PTPN4: variants seen among roughly 807,000 people sequenced by gnomAD.
The protein encoded by PTPN4 is protein tyrosine phosphatase non-receptor type 4.
A neutral mutation model predicts 135.5 loss-of-function variants in PTPN4; 49 were observed. That is an observed-to-expected ratio of 0.36 (90% CI 0.29 to 0.46). The LOEUF (loss-of-function observed/expected upper bound fraction) is 0.46. PTPN4 is among the 20% of genes least tolerant of loss of function. The pLI, the probability that PTPN4 is intolerant of heterozygous loss-of-function variation, is 1.00. For missense variants in PTPN4, 860 were observed against 1,101.0 expected (o/e 0.78, Z 3.10); for synonymous variants, 333 against 369.9 (o/e 0.90, Z 1.14).
intron 19 of PTPN4, among the ~76,000 whole-genome samples, chr2:119,954,320 T>C (rs1380928088): frequency 1.3e-5 from 2 of 152,192 alleles, no homozygotes; most frequent in African/African-American, 4.8e-5. Context: ...CATAATTTTA[T>C]AGGACCAAAA....
chr2:119,767,089 C>T (rs1021984919), intron 1 of PTPN4, among the ~76,000 whole-genome samples: 1 of 152,228 alleles, frequency 6.6e-6, no homozygotes, highest in Admixed American at 6.5e-5. Flanking sequence ...TAACATTGTA[C>T]TAGCTATGTA....
chr2:119,871,678 G>T (rs1677912377), intron 3 of PTPN4, among the ~76,000 whole-genome samples: 1 of 151,928 alleles, frequency 6.6e-6, no homozygotes, highest in Admixed American at 6.6e-5. Flanking sequence ...GGACTTTTAT[G>T]TTTTTTTGCT....
intron 10 of PTPN4, among the ~76,000 whole-genome samples, chr2:119,908,323 G>A (rs1395923748): frequency 1.3e-5 from 2 of 152,086 alleles, no homozygotes; most frequent in African/African-American, 4.8e-5. Flanking sequence ...AAGGTTTGTG[G>A]CAACCCTGCA....
intron 3 of PTPN4, among the ~76,000 whole-genome samples, chr2:119,869,180 G>A (rs192209845): frequency 6.6e-6 from 1 of 152,174 alleles, no homozygotes; most frequent in Non-Finnish European, 1.5e-5. Flanking sequence ...TTAACTTACA[G>A]AACAAGCTAA....
At chr2:119,836,205 A>C (rs1206884871) in intron 2 of PTPN4, among the ~76,000 whole-genome samples, 1 of 152,230 alleles carries the variant, frequency 6.6e-6, no homozygotes, top group African/African-American at 2.4e-5. Flanking sequence ...TGGAGACTTC[A>C]TATGTGTATG....
intron 2 of PTPN4, among the ~76,000 whole-genome samples, chr2:119,812,211 T>C (rs1338605620): frequency 2.6e-5 from 4 of 152,170 alleles, no homozygotes; most frequent in African/African-American, 9.7e-5. Flanking sequence ...TGGAGTGGTA[T>C]GTGGCAGCCT....
chr2:119,797,404 A>G (rs902092847), intron 1 of PTPN4, among the ~76,000 whole-genome samples: 4 of 151,646 alleles, frequency 2.6e-5, no homozygotes, highest in Admixed American at 1.3e-4. Flanking sequence ...AGGTAGATAT[A>G]CTCCCCTATG....
chr2:119,845,496 C>T (rs2104974895), intron 2 of PTPN4, among the ~76,000 whole-genome samples: 1 of 152,234 alleles, frequency 6.6e-6, no homozygotes, highest in Admixed American at 6.5e-5. Flanking sequence ...TCTACATTAT[C>T]TATCGGCATA....
chr2:119,796,910 ATAGG>A (rs2098615669), intron 1 of PTPN4, among the ~76,000 whole-genome samples: 1 of 151,076 alleles, frequency 6.6e-6, no homozygotes, highest in Non-Finnish European at 1.5e-5. Context: ...TGCCATTCTG[ATAGG>A]TAGGTAGTGA....
At chr2:119,905,035 C>CAAAAAAAAAAAAAAAA (rs35974878) in intron 10 of PTPN4, among the ~76,000 whole-genome samples, 1 of 96,498 alleles carries the variant, frequency 1.0e-5, no homozygotes, top group Non-Finnish European at 2.3e-5. Context: ...GTTATTACTA[C>CAAAAAAAAAAAAAAAA]AAAAAAAAAA....
intron 11 of PTPN4, among the ~76,000 whole-genome samples, chr2:119,919,183 A>C (rs1678702338): frequency 6.6e-6 from 1 of 152,206 alleles, no homozygotes; most frequent in Non-Finnish European, 1.5e-5. Context: ...AGAGCTGTGC[A>C]ATTATGGGAT....
At chr2:119,882,177 A>C in intron 7 of PTPN4, 28 bp downstream of exon 7, 1 of 1,568,304 alleles carries the variant, frequency 6.4e-7, no homozygotes, top group Non-Finnish European at 8.8e-7. Context: ...TTTAGGTCAA[A>C]TAGCATATAA....
At chr2:119,932,759 C>T (rs1452912127) in intron 14 of PTPN4, among the ~76,000 whole-genome samples, 1 of 152,124 alleles carries the variant, frequency 6.6e-6, no homozygotes, top group Non-Finnish European at 1.5e-5. Context: ...GAGAGTAGCG[C>T]ATTGAATAAG....
At chr2:119,904,105 T>C (rs1678449556) in intron 10 of PTPN4, among the ~76,000 whole-genome samples, 1 of 151,904 alleles carries the variant, frequency 6.6e-6, no homozygotes, top group African/African-American at 2.4e-5. Flanking sequence ...AAGAAATAAA[T>C]GCCTGAAAAA....
intron 13 of PTPN4, among the ~76,000 whole-genome samples, chr2:119,930,331 T>C (rs2105035992): frequency 6.6e-6 from 1 of 152,262 alleles, no homozygotes; most frequent in South Asian, 2.1e-4. Context: ...CTAAAAAAGT[T>C]TTAGCTATGA....
chr2:119,867,566 C>T (rs1206724108), intron 3 of PTPN4, among the ~76,000 whole-genome samples: 2 of 152,230 alleles, frequency 1.3e-5, no homozygotes, highest in African/African-American at 2.4e-5. Context: ...TATAGAAATA[C>T]AGTTAAGTTT....
At chr2:119,912,844 C>T (rs909969447) in intron 10 of PTPN4, among the ~76,000 whole-genome samples, 2 of 152,046 alleles carry the variant, frequency 1.3e-5, no homozygotes, top group Non-Finnish European at 2.9e-5. Context: ...TAAAAGATAA[C>T]CTTGTAATTA....
chr2:119,804,513 A>C (rs1161432297), intron 1 of PTPN4, among the ~76,000 whole-genome samples: 1 of 152,072 alleles, frequency 6.6e-6, no homozygotes, highest in Non-Finnish European at 1.5e-5. Context: ...CCCACCTGTG[A>C]GTGAGAACAT....
intron 1 of PTPN4, among the ~76,000 whole-genome samples, chr2:119,806,891 A>C (rs1470678317): frequency 6.6e-6 from 1 of 152,140 alleles, no homozygotes; most frequent in Non-Finnish European, 1.5e-5. Context: ...TCAGACCACA[A>C]TGCAATCAAA....
Sources: allele counts gnomAD v4.1 joint callset (sites outside exome capture counted in the v4.1 genomes callset), GRCh38; gene constraint gnomAD v4.1.1; transcripts MANE v1.5; gene names NCBI Gene and HGNC (gene_info 2026-07-23, HGNC 2026-07-21).